The following TSPAN14 variants were observed in gnomAD, a reference collection of about 807,000 sequenced individuals.
TSPAN14 encodes tetraspanin-14.
In TSPAN14, 16 loss-of-function variants were observed where a neutral mutation model predicts 36.6. The observed-to-expected ratio is 0.44, with a 90% CI of 0.30 to 0.66. The LOEUF (loss-of-function observed/expected upper bound fraction) is 0.66. TSPAN14 is among the 30% of genes least tolerant of loss of function. TSPAN14 has a pLI of 0.12. For synonymous variants in TSPAN14, 139 were observed against 143.8 expected (o/e 0.97, Z 0.24); for missense variants, 231 against 355.1 (o/e 0.65, Z 2.81).
At chr10:80,500,907 G>T (rs1319623690) in intron 2 of TSPAN14, among the ~76,000 whole-genome samples, 1 of 152,238 alleles carries the variant, frequency 6.6e-6, no homozygotes, top group Non-Finnish European at 1.5e-5. Flanking sequence ...GCCCCTGAGG[G>T]TGGGGATATG....
At chr10:80,475,668 A>G (rs1564717467) in intron 1 of TSPAN14, among the ~76,000 whole-genome samples, 1 of 152,056 alleles carries the variant, frequency 6.6e-6, no homozygotes, top group Non-Finnish European at 1.5e-5. Flanking sequence ...GCTCACTGCA[A>G]CTTCCGCCTC....
intron 1 of TSPAN14, among the ~76,000 whole-genome samples, chr10:80,474,426 T>C (rs1846735807): frequency 6.7e-6 from 1 of 148,676 alleles, no homozygotes; most frequent in African/African-American, 2.5e-5. Flanking sequence ...CCCTGAGAGG[T>C]CATGAGGAAC....
chr10:80,454,586 G>C lies in TSPAN14; in HGVS notation c.-18+215G>C, dbSNP rs1174660097. Among the ~76,000 whole-genome samples the C allele has an allele frequency of 2.0e-5, 3 of 151,902 alleles. No homozygotes were observed. In the East Asian group the frequency reaches 5.9e-4, roughly 30 times the overall value. ...CGCTAGAGGTTGGAGGCCTCCGCCGGGACCCCGCTGAGCCGAACTCCGGCG... is the reference window on the plus strand; with the variant it reads ...CGCTAGAGGTTGGAGGCCTCCGCCGCGACCCCGCTGAGCCGAACTCCGGCG... On this transcript the variant is annotated intron_variant, in intron 1 of 8. Coordinates refer to ENST00000429989, the Ensembl canonical transcript of TSPAN14.
At chr10:80,464,960 G>T (rs2131959895) in intron 1 of TSPAN14, among the ~76,000 whole-genome samples, 1 of 152,300 alleles carries the variant, frequency 6.6e-6, no homozygotes, top group Admixed American at 6.5e-5. Flanking sequence ...ATGCTTAATA[G>T]AGGTCCATTT....
intron 1 of TSPAN14, among the ~76,000 whole-genome samples, chr10:80,488,383 GC>G (rs1847741311): frequency 6.6e-6 from 1 of 152,230 alleles, no homozygotes; most frequent in African/African-American, 2.4e-5. Flanking sequence ...CTCTGAGGTT[GC>G]TTTGAGGGTT....
At chr10:80,501,252 AT>A (rs992438928) in intron 2 of TSPAN14, among the ~76,000 whole-genome samples, 66 of 124,452 alleles carry the variant, frequency 5.3e-4, no homozygotes, top group Admixed American at 1.5e-3. Flanking sequence ...GAATACAGGC[AT>A]TTTTTTTTTT....
chr10:80,512,796 C>T (rs765909624), intron 6 of TSPAN14, among the ~76,000 whole-genome samples: 7 of 152,064 alleles, frequency 4.6e-5, no homozygotes, highest in Non-Finnish European at 7.4e-5. Flanking sequence ...TGGGTTCAAG[C>T]GATTCTCCTG....
intron 1 of TSPAN14, among the ~76,000 whole-genome samples, chr10:80,475,599 T>C (rs991355233): frequency 6.6e-6 from 1 of 152,074 alleles, no homozygotes; most frequent in African/African-American, 2.4e-5. Flanking sequence ...TCCTTTTTTT[T>C]GTTGTTGAGA....
At position 80,472,238 on chromosome 10, in the gene TSPAN14, G is replaced by A. The variant is rs118185460; in HGVS notation, c.-17-16979G>A. On this transcript the variant is annotated intron_variant, in intron 1 of 8. Transcript: ENST00000429989. ...GAAGGACCACAAACTCTATGTTTCAGTTACTTGAAGCCAGTTATTTTGTAG... is the reference window on the plus strand; with the variant it reads ...GAAGGACCACAAACTCTATGTTTCAATTACTTGAAGCCAGTTATTTTGTAG... 3.9e-3 allele frequency among the ~76,000 whole-genome samples: 598 copies of A among 152,284 alleles called. 3 individuals carry two copies. The highest frequency in any genetic ancestry group is 6.3e-3 in the Non-Finnish European group (430 of 68,020).
chr10:80,509,559 C>T lies in TSPAN14; in HGVS notation c.450+88C>T, dbSNP rs1840498887. 1 of 1,425,286 alleles carries T rather than the reference C, an allele frequency of 7.0e-7. No individual in the cohort carries two copies. Among genetic ancestry groups the T allele is most frequent in the South Asian group, 1.3e-5 (1 of 76,048 alleles). 88.3% of individuals were successfully genotyped at this position (1,425,286 alleles called of 1,614,324 possible). A position where few individuals can be genotyped will look rare whatever the true frequency, so the allele number is the denominator to read the frequency against. ...GTCTAGCAGGGGCATCAGGCCTTCT[C>T]TGTGGGTTGTCTGCCTGCAGCTTGG... is the stretch of plus-strand genomic sequence containing the variant. On this transcript the variant is annotated intron_variant, in intron 5 of 8. Coordinates refer to ENST00000429989, the Ensembl canonical transcript of TSPAN14. This position sits in a 1 kb window ranked among gnomAD's most constrained non-coding sequence, Gnocchi z 4.7.
chr10:80,456,620 C>T (rs988486863), intron 1 of TSPAN14, among the ~76,000 whole-genome samples: 1 of 152,242 alleles, frequency 6.6e-6, no homozygotes, highest in African/African-American at 2.4e-5. Context: ...TTAGCAGTGC[C>T]TGCAAAGTGG....
At chr10:80,462,734 G>T (rs866082440) in intron 1 of TSPAN14, among the ~76,000 whole-genome samples, 1 of 152,332 alleles carries the variant, frequency 6.6e-6, no homozygotes, top group Middle Eastern at 3.4e-3. Context: ...AGTGGTTAGG[G>T]AATGGGGTTT....
chr10:80,521,003 C>A, exon 9 of TSPAN14: 1 of 378,552 alleles, frequency 2.6e-6, no homozygotes. Context: ...GAAAAACCAT[C>A]TGCATGGTCC....
At chr10:80,469,983 A>C (rs925722525) in intron 1 of TSPAN14, among the ~76,000 whole-genome samples, 7 of 152,080 alleles carry the variant, frequency 4.6e-5, no homozygotes, top group Non-Finnish European at 1.0e-4. Context: ...TTTGCATATA[A>C]CCTATGTACT....
At chr10:80,466,703 A>G (rs771436411) in intron 1 of TSPAN14, among the ~76,000 whole-genome samples, 40 of 152,258 alleles carry the variant, frequency 2.6e-4, no homozygotes, top group Non-Finnish European at 5.7e-4. Flanking sequence ...AATATTTTAA[A>G]GAGGTTTATT....
chr10:80,462,094 T>C (rs1422144135), intron 1 of TSPAN14, among the ~76,000 whole-genome samples: 1 of 152,008 alleles, frequency 6.6e-6, no homozygotes, highest in East Asian at 1.9e-4. Context: ...AAAGAATTTT[T>C]TGTAGAGATT....
intron 2 of TSPAN14, among the ~76,000 whole-genome samples, chr10:80,492,095 T>G (rs1847950804): frequency 6.6e-6 from 1 of 152,178 alleles, no homozygotes. Flanking sequence ...GTGTTTTCCT[T>G]GTGATGTAGC....
intron 2 of TSPAN14, among the ~76,000 whole-genome samples, chr10:80,497,350 C>T (rs899235087): frequency 3.9e-5 from 6 of 152,194 alleles, no homozygotes; most frequent in Non-Finnish European, 7.4e-5. Flanking sequence ...CTGAGCTTTT[C>T]AGACTATGGC....
intron 1 of TSPAN14, among the ~76,000 whole-genome samples, chr10:80,483,275 A>G (rs1036483380): frequency 6.6e-6 from 1 of 152,156 alleles, no homozygotes; most frequent in African/African-American, 2.4e-5. Flanking sequence ...AAAGGTGGTA[A>G]TGGTAAGTGT....
Sources: allele counts gnomAD v4.1 joint callset (sites outside exome capture counted in the v4.1 genomes callset), GRCh38; gene constraint gnomAD v4.1.1; non-coding constraint Gnocchi (gnomAD v3.1); transcripts MANE v1.5; gene names NCBI Gene and HGNC (gene_info 2026-07-23, HGNC 2026-07-21).